Variants in EIF4G3 observed in about 807,000 individuals in gnomAD.
The protein encoded by EIF4G3 is eukaryotic translation initiation factor 4 gamma 3, also known as eIF-4-gamma 3.
In EIF4G3, 34 loss-of-function variants were observed where a neutral mutation model predicts 186.4. The observed-to-expected ratio is 0.18, with a 90% CI of 0.14 to 0.24. The LOEUF (loss-of-function observed/expected upper bound fraction) is 0.24. EIF4G3 is among the 10% of genes least tolerant of loss of function. The pLI is 1.00. For synonymous variants in EIF4G3, 673 were observed against 679.5 expected (o/e 0.99, Z 0.15); for missense variants, 1,536 against 1,948.5 (o/e 0.79, Z 3.99).
chr1:20,956,886 G>A (rs964340562), intron 12 of EIF4G3, among the ~76,000 whole-genome samples: 9 of 152,244 alleles, frequency 5.9e-5, no homozygotes, highest in East Asian at 3.9e-4. Context: ...TTACAGGCAT[G>A]AGCCACCGCG....
chr1:20,820,727 G>A (rs913630333), intron 33 of EIF4G3, among the ~76,000 whole-genome samples: 2 of 152,176 alleles, frequency 1.3e-5, no homozygotes. Flanking sequence ...GATGGGCAGA[G>A]GACAAAGAGG....
At chr1:21,100,950 ACTC>A (rs2096503015) in intron 2 of EIF4G3, among the ~76,000 whole-genome samples, 1 of 151,822 alleles carries the variant, frequency 6.6e-6, no homozygotes, top group Non-Finnish European at 1.5e-5. Context: ...TTTTGACACT[ACTC>A]CTGACAAACT....
intron 19 of EIF4G3, 123 bp downstream of exon 19, chr1:20,886,078 T>G: frequency 8.2e-7 from 1 of 1,219,874 alleles, no homozygotes; most frequent in Non-Finnish European, 1.1e-6. Context: ...ATAATTCTTT[T>G]AATAGGAAAA....
intron 12 of EIF4G3, among the ~76,000 whole-genome samples, chr1:20,963,254 T>A (rs1052962780): frequency 6.6e-6 from 1 of 152,196 alleles, no homozygotes; most frequent in Non-Finnish European, 1.5e-5. Context: ...CTTTTTTTGA[T>A]AATTTTAGGC....
chr1:21,058,602 T>C (rs908500588), intron 3 of EIF4G3, among the ~76,000 whole-genome samples: 3 of 150,954 alleles, frequency 2.0e-5, no homozygotes, highest in East Asian at 1.9e-4. Flanking sequence ...TCACAGCTCA[T>C]TGCAGCCTCC....
chr1:21,087,593 G>C (rs2096030279), intron 3 of EIF4G3, among the ~76,000 whole-genome samples: 1 of 151,830 alleles, frequency 6.6e-6, no homozygotes, highest in Admixed American at 6.6e-5. Context: ...TCGGGAGTCT[G>C]ACCAACCTGA....
At chr1:20,997,572 G>A in intron 7 of EIF4G3, 29 bp downstream of exon 7, 1 of 1,548,122 alleles carries the variant, frequency 6.5e-7, no homozygotes, top group East Asian at 2.4e-5. Flanking sequence ...TTAGTTAAGG[G>A]TGATAGTGAA....
intron 12 of EIF4G3, among the ~76,000 whole-genome samples, chr1:20,956,635 A>AAAC: frequency 1.4e-5 from 2 of 146,134 alleles, no homozygotes; most frequent in South Asian, 4.3e-4. Context: ...AAAAAAAAAA[A>AAAC]AACAAGGAGA....
chr1:21,060,891 G>C (rs1030932146), intron 3 of EIF4G3, among the ~76,000 whole-genome samples: 1 of 151,946 alleles, frequency 6.6e-6, no homozygotes, highest in African/African-American at 2.4e-5. Flanking sequence ...AGGTGGAACA[G>C]AAAGGAATGT....
chr1:20,856,829 G>A (rs1361264538), intron 25 of EIF4G3, among the ~76,000 whole-genome samples: 1 of 152,132 alleles, frequency 6.6e-6, no homozygotes. Context: ...TTATGTCTAA[G>A]AAGTAACCTA....
At chr1:20,845,545 T>C (rs10753509) in intron 29 of EIF4G3, among the ~76,000 whole-genome samples, 91,729 of 151,796 alleles carry the variant, frequency 0.6, 27,985 homozygotes, top group East Asian at 0.83. Flanking sequence ...GCCTGTAGTC[T>C]GAGCTACTTG....
intron 7 of EIF4G3, among the ~76,000 whole-genome samples, chr1:20,990,167 C>T (rs2080754397): frequency 6.6e-6 from 1 of 152,036 alleles, no homozygotes; most frequent in South Asian, 2.1e-4. Flanking sequence ...GAGCAAGACT[C>T]CATCTCAAAA....
intron 33 of EIF4G3, among the ~76,000 whole-genome samples, chr1:20,819,934 CAGAA>C (rs1258654768): frequency 1.3e-5 from 2 of 151,876 alleles, no homozygotes; most frequent in Non-Finnish European, 2.9e-5. Flanking sequence ...AGACTGGAGA[CAGAA>C]AGAAAGAGAG....
intron 2 of EIF4G3, among the ~76,000 whole-genome samples, chr1:21,104,899 T>C (rs1206815117): frequency 6.6e-6 from 1 of 152,048 alleles, no homozygotes; most frequent in Non-Finnish European, 1.5e-5. Context: ...AATGAGATCA[T>C]GTCCTTTGCA....
At chr1:21,103,070 C>T (rs2096554835) in intron 2 of EIF4G3, among the ~76,000 whole-genome samples, 1 of 152,194 alleles carries the variant, frequency 6.6e-6, no homozygotes, top group Admixed American at 6.5e-5. Context: ...TGTAAAAGCA[C>T]ATGGATCTCC....
Position 21,050,881 on chromosome 1 carries a change from G to A in EIF4G3, c.-82C>T. 1 of 709,482 alleles carries A rather than the reference G, an allele frequency of 1.4e-6. No homozygotes were observed. Among genetic ancestry groups the A allele is most frequent in the South Asian group, 1.5e-5 (1 of 65,764 alleles). The allele number at this position is 709,482 out of a possible 1,614,324, so 43.9% of individuals were successfully genotyped here. A position where few individuals can be genotyped will look rare whatever the true frequency, so the allele number is the denominator to read the frequency against. ...TTTATCTTACTTGAGAGAGTCCAGG[G>A]GACGATGCATGTCCCGGGGGCGTTG... On this transcript the variant is annotated 5_prime_UTR_variant, in exon 4 of 37. Coordinates refer to ENST00000602326, the MANE Select transcript of EIF4G3 (RefSeq NM_001391906.1).
chr1:21,118,269 CTT>C (rs907782928), intron 2 of EIF4G3, among the ~76,000 whole-genome samples: 12 of 152,270 alleles, frequency 7.9e-5, no homozygotes, highest in African/African-American at 2.9e-4. Context: ...GTATACAACA[CTT>C]TGAAAATAGT....
intron 2 of EIF4G3, among the ~76,000 whole-genome samples, chr1:21,154,701 A>G (rs1022123261): frequency 6.6e-6 from 1 of 152,178 alleles, no homozygotes; most frequent in African/African-American, 2.4e-5. Context: ...ATTTAACCTA[A>G]CATTTCAAAT....
Position 20,939,422 on chromosome 1 carries a change from C to G in EIF4G3, c.1663+2069G>C, listed in dbSNP as rs1002720412. ...TTCACAATACTAATATTGAGAGCAT[C>G]TGCATTTCAAACAAATGTACCATGG... On this transcript the variant is annotated intron_variant, in intron 14 of 36. Coordinates refer to ENST00000602326, the MANE Select transcript of EIF4G3 (RefSeq NM_001391906.1). Among the ~76,000 whole-genome samples the G allele has an allele frequency of 5.9e-5, 9 of 152,294 alleles. No homozygotes were observed. In the Middle Eastern group the frequency reaches 0.01, roughly 173 times the overall value.
Sources: gnomAD v4.1 joint callset for allele counts (sites outside exome capture counted in the v4.1 genomes callset) on GRCh38, gnomAD v4.1.1 for gene constraint, MANE v1.5 for transcripts, NCBI Gene and HGNC (gene_info 2026-07-23, HGNC 2026-07-21) for gene names.